MAK: variants seen among roughly 807,000 people sequenced by gnomAD.
MAK encodes the protein male germ cell associated kinase.
In MAK, 65 loss-of-function variants were observed where a neutral mutation model predicts 82.6. The ratio of observed to expected loss-of-function variants is 0.79; its 90% CI spans 0.64 to 0.97. The LOEUF (loss-of-function observed/expected upper bound fraction) is 0.97. Ranked by LOEUF, MAK falls within the 50% of genes least tolerant of loss-of-function variation. The pLI is 0.00. For missense variants in MAK, 703 were observed against 780.2 expected (o/e 0.90, Z 1.18); for synonymous variants, 250 against 274.2 (o/e 0.91, Z 0.87).
intron 11 of MAK, among the ~76,000 whole-genome samples, chr6:10,777,011 G>C (rs942434528): frequency 6.6e-6 from 1 of 151,288 alleles, no homozygotes; most frequent in Admixed American, 6.6e-5. Context: ...TCGCACCACT[G>C]CACTCTAGCC....
intron 11 of MAK, among the ~76,000 whole-genome samples, chr6:10,782,202 T>TCACACACACA (rs746386493): frequency 1.8e-4 from 27 of 146,148 alleles, no homozygotes; most frequent in African/African-American, 5.3e-4. Context: ...TGAAACTCTG[T>TCACACACACA]CACACACACA....
intron 12 of MAK, among the ~76,000 whole-genome samples, chr6:10,773,892 G>T (rs1222448915): frequency 6.6e-6 from 1 of 151,728 alleles, no homozygotes; most frequent in Non-Finnish European, 1.5e-5. Flanking sequence ...GTAGAGACAG[G>T]GTTTCACCAT....
In MAK at chr6:10,803,719, C is replaced by G. The variant is rs749769834; in HGVS notation, c.663+1G>C. 3.7e-6 allele frequency: 6 copies of G among 1,612,910 alleles called. No individual in the cohort carries two copies. In the African/African-American group the frequency reaches 8.0e-5, roughly 22 times the overall value. On this transcript the variant is annotated splice_donor_variant, in intron 7 of 14. Coordinates refer to ENST00000354489, the MANE Select transcript of MAK (RefSeq NM_001242957.3). LOFTEE classifies it high-confidence loss of function. ...AGCAACTTAGGGACAAGAGTACTTA[C>G]TTTTTTGGGAGTCCCTAAAACTTGG...
chr6:10,824,946 C>T (rs1230951770), intron 2 of MAK, among the ~76,000 whole-genome samples: 2 of 152,206 alleles, frequency 1.3e-5, no homozygotes, highest in African/African-American at 4.8e-5. Context: ...CCCTTTCCTT[C>T]TGCCTCCTAA....
chr6:10,770,090 T>C, intron 14 of MAK, 21 bp downstream of exon 14: 1 of 1,614,110 alleles, frequency 6.2e-7, no homozygotes, highest in Non-Finnish European at 8.5e-7. Context: ...TCTAGAAAAC[T>C]GTATCTGAAG....
intron 13 of MAK, among the ~76,000 whole-genome samples, chr6:10,771,430 G>T (rs1018122844): frequency 1.3e-5 from 2 of 152,186 alleles, no homozygotes; most frequent in African/African-American, 4.8e-5. Flanking sequence ...AGATCTAGCA[G>T]GAGCTGCTGC....
In MAK at chr6:10,776,824, T is replaced by C. The variant is rs935003704; in HGVS notation, c.1466-1365A>G. ...ACTACCAGCTGGGTGCGGTGGCTCA[T>C]GCCTGTAATCCCAGCACTTTGGGAG... On this transcript the variant is annotated intron_variant, in intron 11 of 14. Coordinates refer to ENST00000354489, the MANE Select transcript of MAK (RefSeq NM_001242957.3). This position sits in a 1 kb window ranked among gnomAD's most constrained non-coding sequence, Gnocchi z 4.3. Among the ~76,000 whole-genome samples the C allele has an allele frequency of 6.6e-6, 1 of 152,098 alleles. No individual in the cohort carries two copies. Among genetic ancestry groups the C allele is most frequent in the Non-Finnish European group, 1.5e-5 (1 of 68,006 alleles).
At chr6:10,782,214 A>T (rs1473203328) in intron 11 of MAK, among the ~76,000 whole-genome samples, 13 of 8,370 alleles carry the variant, frequency 1.6e-3, no homozygotes, top group African/African-American at 4.2e-3. Context: ...ACACACACAC[A>T]CACACACACA....
At chr6:10,828,169 C>T (rs979636935) in intron 2 of MAK, among the ~76,000 whole-genome samples, 1 of 152,018 alleles carries the variant, frequency 6.6e-6, no homozygotes, top group Non-Finnish European at 1.5e-5. Context: ...TTTCCTTGTA[C>T]ATGTAATGGT....
chr6:10,787,419 T>G (rs1418137719), intron 10 of MAK, among the ~76,000 whole-genome samples: 1 of 152,214 alleles, frequency 6.6e-6, no homozygotes, highest in Non-Finnish European at 1.5e-5. Flanking sequence ...CATCCTACTC[T>G]GCAGATATTT....
At chr6:10,787,442 G>A (rs1486179860) in intron 10 of MAK, among the ~76,000 whole-genome samples, 3 of 152,174 alleles carry the variant, frequency 2.0e-5, no homozygotes, top group Non-Finnish European at 4.4e-5. Context: ...ACTGAAGTAT[G>A]AAAATTATAA....
chr6:10,798,075 G>A (rs187477578), intron 8 of MAK: 94 of 289,904 alleles, frequency 3.2e-4, no homozygotes, highest in African/African-American at 2.2e-3. Flanking sequence ...TTGAGGATGT[G>A]TTTTGTAATT....
At chr6:10,814,064 G>A (rs1176948065) in intron 4 of MAK, among the ~76,000 whole-genome samples, 1 of 151,866 alleles carries the variant, frequency 6.6e-6, no homozygotes, top group African/African-American at 2.4e-5. Flanking sequence ...CCACCTCCCG[G>A]GTTCAAGTGA....
intron 6 of MAK, among the ~76,000 whole-genome samples, chr6:10,805,468 G>A (rs371574826): frequency 6.6e-6 from 1 of 151,472 alleles, no homozygotes; most frequent in Non-Finnish European, 1.5e-5. Flanking sequence ...GCGTCTGTAA[G>A]CTCAGCTACT....
In MAK at chr6:10,810,801, C is replaced by T. The variant is rs1355156667; in HGVS notation, c.359-1859G>A. 3.9e-5 allele frequency among the ~76,000 whole-genome samples: 6 copies of T among 152,156 alleles called. No individual in the cohort carries two copies. The South Asian group carries it at 1.2e-3, about 32-fold the overall frequency. On this transcript the variant is annotated intron_variant, in intron 5 of 14. Coordinates refer to ENST00000354489, the MANE Select transcript of MAK (RefSeq NM_001242957.3). ...CATTTCACTATGTCCAAGAGACATTCAGATACTTTTGTAATGTAACGACAG... is the reference window on the plus strand; with the variant it reads ...CATTTCACTATGTCCAAGAGACATTTAGATACTTTTGTAATGTAACGACAG...
intron 2 of MAK, among the ~76,000 whole-genome samples, chr6:10,824,308 A>G (rs1167071363): frequency 6.6e-6 from 1 of 152,232 alleles, no homozygotes; most frequent in Non-Finnish European, 1.5e-5. Flanking sequence ...CCAAGACCTA[A>G]CAACCTAACT....
intron 14 of MAK, among the ~76,000 whole-genome samples, chr6:10,765,471 T>TTTTTTTTTTTTTTTTTTTA (rs1561923828): frequency 8.7e-5 from 10 of 115,066 alleles, no homozygotes; most frequent in African/African-American, 3.4e-4. Context: ...TTTTTTTTTT[T>TTTTTTTTTTTTTTTTTTTA]TTAATGAGGC....
chr6:10,775,023 G>A (rs946268944), intron 12 of MAK, among the ~76,000 whole-genome samples: 2 of 152,126 alleles, frequency 1.3e-5, no homozygotes, highest in African/African-American at 4.8e-5. Context: ...CCACCATGTT[G>A]GCCAGGTTGA....
intron 2 of MAK, among the ~76,000 whole-genome samples, chr6:10,823,209 A>G (rs1399666637): frequency 1.3e-5 from 2 of 152,204 alleles, no homozygotes; most frequent in Non-Finnish European, 2.9e-5. Context: ...GAGGGCCAGC[A>G]TTCAGCTTCT....
Sources: gnomAD v4.1 joint callset for allele counts (sites outside exome capture counted in the v4.1 genomes callset) on GRCh38, gnomAD v4.1.1 for gene constraint, Gnocchi (gnomAD v3.1) non-coding constraint, MANE v1.5 for transcripts, NCBI Gene and HGNC (gene_info 2026-07-23, HGNC 2026-07-21) for gene names.